SFMBT2: variants seen among roughly 807,000 people sequenced by gnomAD.
SFMBT2 encodes the protein scm-like with four MBT domains protein 2.
A neutral mutation model predicts 110.1 loss-of-function variants in SFMBT2; 38 were observed. The ratio of observed to expected loss-of-function variants is 0.35; its 90% confidence interval spans 0.27 to 0.45. SFMBT2 has a LOEUF of 0.45. Among genes scored for constraint, SFMBT2 ranks in the 20% least tolerant of loss-of-function variants. SFMBT2 has a pLI of 1.00. For missense variants in SFMBT2, 1,011 were observed against 1,094.9 expected (o/e 0.92, Z 1.08); for synonymous variants, 425 against 425.4 (o/e 1.00, Z 0.01).
In SFMBT2 at chr10:7,228,774, CT is replaced by C. The variant is rs1564395579; in HGVS notation, c.1121-838del. 9.5e-4 allele frequency among the ~76,000 whole-genome samples: 128 copies of C among 135,336 alleles called. 3 individuals carry two copies. The highest frequency in any genetic ancestry group is 8.2e-3 in the Middle Eastern group (2 of 244). The allele number at this position is 135,336 out of a possible 152,430, so 88.8% of individuals were successfully genotyped here. ...TCTCTCTCTCTCTCTCTCTCTCTCT[CT>C]CTCTCTCCCCCTCCCTCTCTCTCTC... On this transcript the variant is annotated intron_variant, in intron 9 of 20. Transcript: ENST00000397167.
At position 7,356,811 on chromosome 10, in the gene SFMBT2, C is replaced by A. The variant is rs548883527; in HGVS notation, c.436+10838G>T. Among the ~76,000 whole-genome samples, 10 of 152,236 alleles carry A rather than the reference C, an allele frequency of 6.6e-5. 1 individual carries two copies. In the South Asian group the frequency reaches 8.3e-4, roughly 13 times the overall value. ...TCTTGTAAGTAATCCCAGTGGGTACCTGTAGAGTGATATGCAGTTATGGAA... is the reference window on the plus strand; with the variant it reads ...TCTTGTAAGTAATCCCAGTGGGTACATGTAGAGTGATATGCAGTTATGGAA... On this transcript the variant is annotated intron_variant, in intron 4 of 20. Coordinates refer to ENST00000397167, the MANE Select transcript of SFMBT2 (RefSeq NM_001387889.1).
chr10:7,375,385 C>G (rs570042301), intron 2 of SFMBT2, among the ~76,000 whole-genome samples: 39 of 152,122 alleles, frequency 2.6e-4, no homozygotes, highest in African/African-American at 9.2e-4. Context: ...AGCCTGTGCC[C>G]ACTACACCAA....
intron 1 of SFMBT2, among the ~76,000 whole-genome samples, chr10:7,396,662 C>T (rs1401883685): frequency 6.6e-6 from 1 of 151,892 alleles, no homozygotes; most frequent in African/African-American, 2.4e-5. Context: ...TCTTATTAGA[C>T]ACAAGAAATG....
At chr10:7,203,403 T>A in intron 12 of SFMBT2, 1 of 187,070 alleles carries the variant, frequency 5.3e-6, no homozygotes, top group Non-Finnish European at 1.0e-5. Flanking sequence ...TTGTCTCCCC[T>A]GGTCTTTGTT....
intron 11 of SFMBT2, chr10:7,206,810 T>G (rs1839150994): frequency 1.1e-6 from 1 of 945,338 alleles, no homozygotes; most frequent in Non-Finnish European, 1.3e-6. Context: ...AAATCAATAG[T>G]TAAGAAAAAA....
In SFMBT2 at chr10:7,171,849, CT is replaced by C; in HGVS notation, c.2415+45del. The stretch of plus-strand genomic sequence containing the variant: ...GCCCTGAAGTGTAACAGGTGTGCTT[CT>C]TCAGACCCAGCGGGAAGCCCTCTGT... On this transcript the variant is annotated intron_variant, in intron 19 of 20. Coordinates refer to ENST00000397167, the MANE Select transcript of SFMBT2 (RefSeq NM_001387889.1). This position sits in a 1 kb window ranked among gnomAD's most constrained non-coding sequence, Gnocchi z 4.9. 1 of 1,386,134 alleles carries C rather than the reference CT, an allele frequency of 7.2e-7. No individual in the cohort carries two copies. The highest frequency in any genetic ancestry group is 9.3e-7 in the Non-Finnish European group (1 of 1,072,858). The allele number at this position is 1,386,134 out of a possible 1,614,324, so 85.9% of individuals were successfully genotyped here.
At chr10:7,209,383 A>G (rs549931766) in intron 11 of SFMBT2, among the ~76,000 whole-genome samples, 28 of 152,370 alleles carry the variant, frequency 1.8e-4, no homozygotes, top group Non-Finnish European at 1.8e-4. Context: ...CAATCTCTTG[A>G]CTTTGGCTAA....
In SFMBT2 at chr10:7,409,138, TC is replaced by T. The variant is rs1295620254; in HGVS notation, c.-52+1722del. ...GGTCTTCTCCAAGCTTCGGTCCCGGTCCCCCACCTCCCACCCCAGAGCGGCG... is the reference window on the plus strand; with the variant it reads ...GGTCTTCTCCAAGCTTCGGTCCCGGTCCCCACCTCCCACCCCAGAGCGGCG... On this transcript the variant is annotated intron_variant, in intron 1 of 20. Transcript: ENST00000397167. 1.7e-4 allele frequency among the ~76,000 whole-genome samples: 23 copies of T among 135,788 alleles called. No individual in the cohort carries two copies. The Admixed American group carries it at 1.7e-3, about 10-fold the overall frequency. 89.1% of individuals were successfully genotyped at this position (135,788 alleles called of 152,430 possible). A position where few individuals can be genotyped will look rare whatever the true frequency, so the allele number is the denominator to read the frequency against.
chr10:7,242,451 G>C (rs1840463341), intron 9 of SFMBT2, among the ~76,000 whole-genome samples: 1 of 152,194 alleles, frequency 6.6e-6, no homozygotes, highest in South Asian at 2.1e-4. Context: ...CTGTGACTTA[G>C]ATTCTTCATA....
chr10:7,213,071 G>T (rs1157861533), intron 11 of SFMBT2, among the ~76,000 whole-genome samples: 1 of 151,954 alleles, frequency 6.6e-6, no homozygotes, highest in Admixed American at 6.6e-5. Context: ...CACACACTGG[G>T]GCCTGTCAAG....
At chr10:7,389,236 T>C (rs1221575842) in intron 1 of SFMBT2, among the ~76,000 whole-genome samples, 6 of 152,136 alleles carry the variant, frequency 3.9e-5, no homozygotes, top group Admixed American at 3.3e-4. Flanking sequence ...TGGGATGTTT[T>C]TGGGGGGTTA....
chr10:7,376,062 G>A (rs10453996), intron 2 of SFMBT2, among the ~76,000 whole-genome samples: 121,203 of 152,160 alleles, frequency 0.8, 48,693 homozygotes, highest in East Asian at 1. Flanking sequence ...GTGCAACACC[G>A]CTTTATCTAT....
intron 6 of SFMBT2, among the ~76,000 whole-genome samples, chr10:7,278,920 T>C (rs1320434943): frequency 6.6e-6 from 1 of 151,478 alleles, no homozygotes; most frequent in Non-Finnish European, 1.5e-5. Flanking sequence ...TCTAATAAAA[T>C]TTAAAAAAAC....
intron 2 of SFMBT2, chr10:7,370,801 A>G: frequency 1.0e-6 from 1 of 979,974 alleles, no homozygotes; most frequent in Non-Finnish European, 1.2e-6. Flanking sequence ...AACAGCACTA[A>G]TTGTTATAAA....
chr10:7,327,941 T>C (rs1843446485), intron 4 of SFMBT2, among the ~76,000 whole-genome samples: 2 of 152,216 alleles, frequency 1.3e-5, no homozygotes, highest in African/African-American at 4.8e-5. Context: ...TTACCCAGGT[T>C]TTATGTGAAC....
chr10:7,267,518 G>A (rs1418369329), intron 7 of SFMBT2, among the ~76,000 whole-genome samples: 1 of 152,154 alleles, frequency 6.6e-6, no homozygotes, highest in East Asian at 1.9e-4. Context: ...CAAGATCTCA[G>A]CTCACTGCAA....
At chr10:7,236,560 G>A (rs1031806499) in intron 9 of SFMBT2, among the ~76,000 whole-genome samples, 1 of 152,176 alleles carries the variant, frequency 6.6e-6, no homozygotes, top group South Asian at 2.1e-4. Flanking sequence ...AACAAACGAT[G>A]CAGAGACAAG....
At chr10:7,228,701 TTC>T (rs1839981248) in intron 9 of SFMBT2, among the ~76,000 whole-genome samples, 1 of 131,612 alleles carries the variant, frequency 7.6e-6, no homozygotes, top group South Asian at 2.6e-4. Context: ...CTTTCTTTCT[TTC>T]TTTCTTTCTT....
chr10:7,217,596 G>A (rs1205850141), intron 11 of SFMBT2, among the ~76,000 whole-genome samples: 1 of 152,168 alleles, frequency 6.6e-6, no homozygotes, highest in Middle Eastern at 3.2e-3. Context: ...CTGGGCTAAA[G>A]AGCTAGGAGA....
Sources: allele counts gnomAD v4.1 joint callset (sites outside exome capture counted in the v4.1 genomes callset), GRCh38; gene constraint gnomAD v4.1.1; non-coding constraint Gnocchi (gnomAD v3.1); transcripts MANE v1.5; gene names NCBI Gene and HGNC (gene_info 2026-07-23, HGNC 2026-07-21).